IQCH: variants seen among roughly 807,000 people sequenced by gnomAD.
The protein encoded by IQCH is IQ domain-containing protein H.
In IQCH, 98 loss-of-function variants were observed where a neutral mutation model predicts 117.0. That is an observed-to-expected ratio of 0.84 (90% CI 0.71 to 0.99). The LOEUF is 0.99. Among genes scored for constraint, IQCH ranks in the 50% least tolerant of loss-of-function variants. The probability of loss-of-function intolerance (pLI) is 0.00; values close to 1 mark genes in which losing one functional copy is unlikely to be tolerated. For missense variants in IQCH, 1,102 were observed against 1,243.8 expected, an observed-to-expected ratio of 0.89 and a Z score of 1.72; for synonymous variants, 412 against 448.2, an observed-to-expected ratio of 0.92 and a Z score of 1.02.
chr15:67,275,014 A>G (rs1042970330), intron 3 of IQCH, among the ~76,000 whole-genome samples: 1 of 152,160 alleles, frequency 6.6e-6, no homozygotes, highest in Non-Finnish European at 1.5e-5. Context: ...GGACCTGTGG[A>G]ACATACTTTC....
rs781289732 is a variant in IQCH, at chr15:67,474,529, A to G, written c.2677-1167A>G. On this transcript the variant is annotated intron_variant, in intron 17 of 20. Coordinates refer to ENST00000335894, the MANE Select transcript of IQCH (RefSeq NM_001031715.3). The surrounding 1 kb of genome is among the most constrained non-coding windows in gnomAD (Gnocchi z 4.1). ...CAGGATCCAGTTCTTTATCTGGTACATATTAAATTTTAAATGTTTTCAGGA... is the reference window on the plus strand; with the variant it reads ...CAGGATCCAGTTCTTTATCTGGTACGTATTAAATTTTAAATGTTTTCAGGA... 3.3e-5 allele frequency among the ~76,000 whole-genome samples: 5 copies of G among 152,220 alleles called. No individual in the cohort carries two copies. Among genetic ancestry groups the G allele is most frequent in the Non-Finnish European group, 7.3e-5 (5 of 68,042 alleles).
intron 4 of IQCH, among the ~76,000 whole-genome samples, chr15:67,312,897 T>C (rs1286278462): frequency 6.6e-6 from 1 of 152,152 alleles, no homozygotes; most frequent in Non-Finnish European, 1.5e-5. Flanking sequence ...CATTGTACCT[T>C]AAACTGTACT....
chr15:67,419,820 A>G (rs1352719023), intron 15 of IQCH, among the ~76,000 whole-genome samples: 1 of 152,196 alleles, frequency 6.6e-6, no homozygotes, highest in Non-Finnish European at 1.5e-5. Flanking sequence ...GTGGAAAAAA[A>G]GTAACAGTGA....
rs2081595200 is a variant in IQCH, at chr15:67,417,044, C to T, written c.2211C>T (p.Leu737=). The T allele has an allele frequency of 6.2e-7, 1 of 1,607,418 alleles. No individual in the cohort carries two copies. The highest frequency in any genetic ancestry group is 8.5e-7 in the Non-Finnish European group (1 of 1,177,074). ...PTWRKFLQTF[L]SQGGVIEAFP... ...GGAGGAAATTCCTCCAAACATTTCTCAGTCAAGGTAAATAAGACTGTAAAG... is the reference window on the plus strand; with the variant it reads ...GGAGGAAATTCCTCCAAACATTTCTTAGTCAAGGTAAATAAGACTGTAAAG... Residue 737 remains leucine, a synonymous_variant, in exon 15 of 21, where the codon CTC becomes CTT. Transcript: ENST00000335894. This position sits in a 1 kb window ranked among gnomAD's most constrained non-coding sequence, Gnocchi z 4.3.
chr15:67,297,557 T>C (rs1241114497), intron 4 of IQCH, among the ~76,000 whole-genome samples: 1 of 152,150 alleles, frequency 6.6e-6, no homozygotes, highest in Non-Finnish European at 1.5e-5. Context: ...ATAGTCTTTC[T>C]CTTGCAAACA....
chr15:67,498,613 C>G (rs2083891578), intron 20 of IQCH, among the ~76,000 whole-genome samples: 1 of 44,440 alleles, frequency 2.3e-5, no homozygotes. Context: ...GAGATTCCGT[C>G]TCAAAAAAAA....
chr15:67,337,135 A>T, intron 5 of IQCH, 40 bp downstream of exon 5: 1 of 1,609,068 alleles, frequency 6.2e-7, no homozygotes, highest in Non-Finnish European at 8.5e-7. Context: ...TTAGGAACGG[A>T]AAAGAAAGAG....
intron 4 of IQCH, among the ~76,000 whole-genome samples, chr15:67,301,422 TTTTTTG>T (rs1195407121): frequency 7.3e-6 from 1 of 137,138 alleles, no homozygotes; most frequent in Non-Finnish European, 1.6e-5. Flanking sequence ...TTTTTTTTTT[TTTTTTG>T]AAACCGAGTC....
At chr15:67,486,033 G>GTT in intron 18 of IQCH, among the ~76,000 whole-genome samples, 1 of 105,196 alleles carries the variant, frequency 9.5e-6, no homozygotes, top group Non-Finnish European at 2.0e-5. Context: ...TGCTAGCTAA[G>GTT]TTTTCTTTTT....
At chr15:67,460,989 C>T (rs930494599) in intron 16 of IQCH, among the ~76,000 whole-genome samples, 6 of 152,182 alleles carry the variant, frequency 3.9e-5, no homozygotes, top group African/African-American at 1.4e-4. Context: ...GTACTTTGTT[C>T]AGGCCCCCAT....
rs1464850090 is a variant in IQCH, at chr15:67,411,619, C to T, written c.2098-5312C>T. On this transcript the variant is annotated intron_variant, in intron 14 of 20. Transcript: ENST00000335894. The surrounding 1 kb of genome is among the most constrained non-coding windows in gnomAD (Gnocchi z 4.4). ...AGATTGGCACATGACCCAATTACAC[C>T]AATGTGTGTCTGTATGTGTGTATGT... 6.6e-6 allele frequency among the ~76,000 whole-genome samples: 1 copy of T among 151,362 alleles called. No individual in the cohort carries two copies. The highest frequency in any genetic ancestry group is 1.5e-5 in the Non-Finnish European group (1 of 67,662).
At chr15:67,482,536 T>C (rs955942185) in intron 18 of IQCH, among the ~76,000 whole-genome samples, 2 of 152,238 alleles carry the variant, frequency 1.3e-5, no homozygotes, top group Non-Finnish European at 2.9e-5. Context: ...TTTTGTTTCA[T>C]TCTTGCAATA....
At chr15:67,377,886 T>C (rs142292879) in intron 10 of IQCH, among the ~76,000 whole-genome samples, 4 of 152,296 alleles carry the variant, frequency 2.6e-5, no homozygotes, top group East Asian at 1.9e-4. Flanking sequence ...CTGTGCCCTA[T>C]TTTAGCAAGT....
At chr15:67,460,364 T>C (rs2082761638) in intron 16 of IQCH, among the ~76,000 whole-genome samples, 1 of 152,250 alleles carries the variant, frequency 6.6e-6, no homozygotes, top group African/African-American at 2.4e-5. Flanking sequence ...CTACATATAT[T>C]AGTTTTGCAA....
intron 9 of IQCH, 47 bp from the exon 10 acceptor site, chr15:67,373,320 T>C: frequency 7.8e-7 from 1 of 1,279,872 alleles, no homozygotes; most frequent in Non-Finnish European, 1.1e-6. Context: ...ACTAGATGAA[T>C]CCACTACAGC....
chr15:67,292,723 T>C (rs1966794026), intron 4 of IQCH, among the ~76,000 whole-genome samples: 1 of 152,218 alleles, frequency 6.6e-6, no homozygotes, highest in Admixed American at 6.5e-5. Flanking sequence ...CCCTTAATGC[T>C]TTTAACATGA....
intron 20 of IQCH, among the ~76,000 whole-genome samples, chr15:67,497,048 A>G (rs895185985): frequency 6.7e-6 from 1 of 150,316 alleles, no homozygotes; most frequent in Non-Finnish European, 1.5e-5. Flanking sequence ...AAAAAAAAAA[A>G]GTAAAAGTAT....
chr15:67,432,031 C>A lies in IQCH; in HGVS notation c.2505+10454C>A, dbSNP rs560159859. Among the ~76,000 whole-genome samples, 187 of 152,124 alleles carry A rather than the reference C, an allele frequency of 1.2e-3. 3 individuals carry two copies. The South Asian group carries it at 0.026, about 21-fold the overall frequency. ...CTCCAGCCTGGATGACAGAGCAAGA[C>A]CCTGTCTCAAAAATAAATAAATAAA... On this transcript the variant is annotated intron_variant, in intron 16 of 20. Coordinates refer to ENST00000335894, the MANE Select transcript of IQCH (RefSeq NM_001031715.3). The surrounding 1 kb of genome is among the most constrained non-coding windows in gnomAD (Gnocchi z 5.0).
intron 4 of IQCH, among the ~76,000 whole-genome samples, chr15:67,314,574 C>T: frequency 6.6e-6 from 1 of 151,108 alleles, no homozygotes; most frequent in East Asian, 1.9e-4. Context: ...AGTAAAAACC[C>T]TTAGAAAATG....
Sources: gnomAD v4.1 joint callset for allele counts (sites outside exome capture counted in the v4.1 genomes callset) on GRCh38, gnomAD v4.1.1 for gene constraint, Gnocchi (gnomAD v3.1) non-coding constraint, MANE v1.5 for transcripts, NCBI Gene and HGNC (gene_info 2026-07-23, HGNC 2026-07-21) for gene names.